The following KDM2B variants were observed in gnomAD, a reference collection of about 807,000 sequenced individuals.
The protein encoded by KDM2B is lysine demethylase 2B, also known as lysine-specific demethylase 2B.
Under a neutral mutation model 150.0 loss-of-function variants are expected in KDM2B, and 26 were observed. The observed-to-expected ratio is 0.17, with a 90% CI of 0.13 to 0.24. The LOEUF is 0.24. KDM2B is among the 10% of genes least tolerant of loss of function. The pLI is 1.00. For missense variants in KDM2B, 1,265 were observed against 1,816.9 expected (o/e 0.70, Z 5.52); for synonymous variants, 734 against 729.5 (o/e 1.01, Z -0.10).
At position 121,430,537 on chromosome 12, in the gene KDM2B, C is replaced by G. The variant is rs11544961; in HGVS notation, c.3830-68G>C. ...CCAGAAGCCCCCCCGCCGCCAGACC[C>G]AGGCACTCAGCAGTGGGGACAGGTC... On this transcript the variant is annotated intron_variant, in intron 22 of 22. Coordinates refer to ENST00000377071, the MANE Select transcript of KDM2B (RefSeq NM_032590.5). This position sits in a 1 kb window ranked among gnomAD's most constrained non-coding sequence, Gnocchi z 4.4. The G allele has an allele frequency of 1.8e-6, 2 of 1,120,270 alleles. No homozygotes were observed. Among genetic ancestry groups the G allele is most frequent in the Non-Finnish European group, 2.7e-6 (2 of 734,170 alleles). 69.4% of individuals were successfully genotyped at this position (1,120,270 alleles called of 1,614,324 possible).
At chr12:121,445,024 C>A (rs782070345) in intron 14 of KDM2B, 4 of 509,838 alleles carry the variant, frequency 7.8e-6, no homozygotes, top group African/African-American at 1.9e-5. Flanking sequence ...TCTGCTGAGG[C>A]TCTGGAAACC....
In KDM2B at chr12:121,467,756, G is replaced by C. The variant is rs1880273663; in HGVS notation, c.1735-14412C>G. On this transcript the variant is annotated intron_variant, in intron 12 of 22. Coordinates refer to ENST00000377071, the MANE Select transcript of KDM2B (RefSeq NM_032590.5). This position sits in a 1 kb window ranked among gnomAD's most constrained non-coding sequence, Gnocchi z 5.1. The stretch of plus-strand genomic sequence containing the variant: ...GTCTCGCGGAAGCCCGGGGGCGCCC[G>C]GGCCGTGGGGGACGACTCTGCACCC... 1 of 152,192 alleles carries C rather than the reference G, an allele frequency of 6.6e-6. No homozygotes were observed. The highest frequency in any genetic ancestry group is 2.4e-5 in the African/African-American group (1 of 41,440). 9.4% of individuals were successfully genotyped at this position (152,192 alleles called of 1,614,324 possible).
intron 21 of KDM2B, 160 bp downstream of exon 21, chr12:121,440,656 C>T (rs1874857235): frequency 5.7e-6 from 4 of 696,918 alleles, no homozygotes; most frequent in Admixed American, 6.1e-5. Flanking sequence ...CCCCTGCCTC[C>T]TCCCAGATCC....
chr12:121,442,787 G>A lies in KDM2B; in HGVS notation c.2654C>T (p.Pro885Leu). The A allele has an allele frequency of 6.5e-7, 1 of 1,540,680 alleles. No homozygotes were observed. The highest frequency in any genetic ancestry group is 8.7e-7 in the Non-Finnish European group (1 of 1,150,160). ...GGGTTCCTGCTTGAAGCGCCGGAGG[G>A]GCTTGTTGGCCAGCGCCATGCGGTC... is the stretch of plus-strand genomic sequence containing the variant. ...AEDRMALANK[P>L]LRRFKQEPED... Residue 885 changes from proline to leucine, a missense_variant, in exon 19 of 23, where the codon CCC becomes CTC. Pro to Leu is a moderately conservative substitution (Grantham distance 98). Transcript: ENST00000377071. This position sits in a 1 kb window ranked among gnomAD's most constrained non-coding sequence, Gnocchi z 7.7.
chr12:121,511,309 CAG>C (rs1227376315), intron 10 of KDM2B, among the ~76,000 whole-genome samples: 3 of 122,668 alleles, frequency 2.4e-5, no homozygotes, highest in Non-Finnish European at 4.9e-5. Flanking sequence ...TTTTTTGAGA[CAG>C]AGTCTCACTT....
chr12:121,559,461 C>T (rs1594126868), intron 4 of KDM2B, among the ~76,000 whole-genome samples: 1 of 152,152 alleles, frequency 6.6e-6, no homozygotes, highest in Non-Finnish European at 1.5e-5. Flanking sequence ...CTGTTCATGC[C>T]ACACAGCTGG....
chr12:121,441,934 G>T (rs1041043845), intron 19 of KDM2B, among the ~76,000 whole-genome samples: 1 of 152,224 alleles, frequency 6.6e-6, no homozygotes, highest in Non-Finnish European at 1.5e-5. Flanking sequence ...GACTCCACGT[G>T]GTCCTCACTT....
At chr12:121,548,611 C>T (rs1325388522) in intron 6 of KDM2B, among the ~76,000 whole-genome samples, 3 of 152,204 alleles carry the variant, frequency 2.0e-5, no homozygotes, top group Non-Finnish European at 2.9e-5. Flanking sequence ...GAGGCGTCTG[C>T]CATCACTCCT....
At chr12:121,572,578 T>G (rs1228635114) in intron 4 of KDM2B, among the ~76,000 whole-genome samples, 1 of 152,206 alleles carries the variant, frequency 6.6e-6, no homozygotes, top group Non-Finnish European at 1.5e-5. Context: ...CTGTCTAAAA[T>G]GAAGCCCCAC....
intron 4 of KDM2B, among the ~76,000 whole-genome samples, chr12:121,562,546 T>C (rs1890419943): frequency 6.6e-6 from 1 of 151,940 alleles, no homozygotes. Context: ...ACTTAGTTTT[T>C]CTCCAAAACA....
intron 14 of KDM2B, chr12:121,444,928 T>C (rs1376135959): frequency 2.0e-5 from 8 of 404,504 alleles, no homozygotes; most frequent in Non-Finnish European, 3.6e-5. Flanking sequence ...AGGAGTGTGG[T>C]GTGGGGCCTT....
At chr12:121,440,764 AG>A (rs1245773205) in intron 21 of KDM2B, 51 bp downstream of exon 21, 5 of 1,510,782 alleles carry the variant, frequency 3.3e-6, no homozygotes, top group Non-Finnish European at 4.5e-6. Context: ...CAGATCCAAC[AG>A]TCTAGCTCGC....
In KDM2B at chr12:121,548,906, A is replaced by T. The variant is rs201541668; in HGVS notation, c.654T>A (p.Ile218=). ...TCACTTTCGGGTACTTCATCTCTGC[A>T]ATGGCGTTCGTGGCTTCTGTCTGCT... The part of the protein sequence containing the change: ...KEKQTEATNA[I]AEMKYPKVKK... The change falls in exon 6 of 23, where the codon ATT becomes ATA. Residue 218 remains isoleucine, a synonymous_variant. Coordinates refer to ENST00000377071, the MANE Select transcript of KDM2B (RefSeq NM_032590.5). 1.4e-5 allele frequency: 23 copies of T among 1,614,148 alleles called. No homozygotes were observed. In the African/African-American group the frequency reaches 2.9e-4, roughly 21 times the overall value.
rs144200002 is a variant in KDM2B, at chr12:121,518,913, G to A, written c.1047+2072C>T. ...CATTGACCCAGACTGTGAGGTGACC[G>A]CTTGTATCCAAACAGTGCCTTTCTC... On this transcript the variant is annotated intron_variant, in intron 9 of 22. Coordinates refer to ENST00000377071, the MANE Select transcript of KDM2B (RefSeq NM_032590.5). The surrounding 1 kb of genome is among the most constrained non-coding windows in gnomAD (Gnocchi z 4.4). Among the ~76,000 whole-genome samples the A allele has an allele frequency of 1.2e-4, 19 of 152,328 alleles. No homozygotes were observed. In the East Asian group the frequency reaches 3.7e-3, roughly 29 times the overall value.
intron 6 of KDM2B, among the ~76,000 whole-genome samples, chr12:121,545,389 A>G (rs1291113047): frequency 1.3e-5 from 2 of 150,506 alleles, no homozygotes; most frequent in African/African-American, 4.9e-5. Context: ...CAACGGTTTT[A>G]AAAAAAGAAA....
intron 11 of KDM2B, among the ~76,000 whole-genome samples, chr12:121,499,729 C>T (rs1378164530): frequency 6.6e-6 from 1 of 151,830 alleles, no homozygotes; most frequent in Non-Finnish European, 1.5e-5. Flanking sequence ...GGACAAATCA[C>T]CTGAGGTCAG....
rs1594037208 is a variant in KDM2B at position 121,521,198 on chromosome 12, T to C, written c.932-98A>G. On this transcript the variant is annotated intron_variant, in intron 8 of 22. Coordinates refer to ENST00000377071, the MANE Select transcript of KDM2B (RefSeq NM_032590.5). This position sits in a 1 kb window ranked among gnomAD's most constrained non-coding sequence, Gnocchi z 4.9. The stretch of plus-strand genomic sequence containing the variant: ...GAGGGAGAGCGAGCGTGCAGGAGGG[T>C]GCAGGGAGTGGAGAAGAGCAGCCAG... The C allele has an allele frequency of 5.0e-6, 4 of 795,496 alleles. No individual in the cohort carries two copies. The highest frequency in any genetic ancestry group is 6.3e-6 in the Non-Finnish European group (3 of 472,934). 49.3% of individuals were successfully genotyped at this position (795,496 alleles called of 1,614,324 possible). A position where few individuals can be genotyped will look rare whatever the true frequency, so the allele number is the denominator to read the frequency against.
At chr12:121,506,589 G>A (rs1885087911) in intron 11 of KDM2B, among the ~76,000 whole-genome samples, 1 of 151,848 alleles carries the variant, frequency 6.6e-6, no homozygotes, top group East Asian at 1.9e-4. Context: ...GGATCACAAA[G>A]TCAGGGGATC....
chr12:121,466,447 G>A (rs1449577285), intron 12 of KDM2B, among the ~76,000 whole-genome samples: 1 of 152,144 alleles, frequency 6.6e-6, no homozygotes, highest in African/African-American at 2.4e-5. Flanking sequence ...CCCTGGTCCC[G>A]AGAGAGGTTG....
Sources: allele counts gnomAD v4.1 joint callset (sites outside exome capture counted in the v4.1 genomes callset), GRCh38; gene constraint gnomAD v4.1.1; non-coding constraint Gnocchi (gnomAD v3.1); transcripts MANE v1.5; gene names NCBI Gene and HGNC (gene_info 2026-07-23, HGNC 2026-07-21).